Variants in TNS1 observed in about 807,000 individuals in gnomAD.
The protein encoded by TNS1 is tensin-1.
TNS1 carries 62 observed loss-of-function variants against 168.6 expected under a neutral mutation model. That is an observed-to-expected ratio of 0.37 (90% CI 0.30 to 0.45). The LOEUF (loss-of-function observed/expected upper bound fraction) is 0.45, where lower values mean the gene tolerates loss of function less well. Among genes scored for constraint, TNS1 ranks in the 20% least tolerant of loss-of-function variants. TNS1 has a pLI of 1.00. For missense variants in TNS1, 2,240 were observed against 2,339.4 expected (o/e 0.96, Z 0.88); for synonymous variants, 934 against 933.2 (o/e 1.00, Z -0.02).
rs767427826 is a variant in TNS1, at chr2:217,818,574, T to C, written c.3758A>G (p.Tyr1253Cys). Residue 1253 changes from tyrosine to cysteine, a missense_variant, in exon 24 of 33, where the codon TAC becomes TGC. Transcript: ENST00000682258. ...TVGSSYSSPD[Y>C]SLQHFSSSPE... ...AGAGGAGCTGAAATGCTGAAGTGAG[T>C]AGTCGGGGCTGCTGTAGCTACTGCC... 7 of 1,613,954 alleles carry C rather than the reference T, an allele frequency of 4.3e-6. No homozygotes were observed. Among genetic ancestry groups the C allele is most frequent in the Admixed American group, 1.7e-5 (1 of 59,994 alleles).
intron 4 of TNS1, among the ~76,000 whole-genome samples, chr2:217,910,117 C>T (rs1413162132): frequency 6.6e-6 from 1 of 152,130 alleles, no homozygotes; most frequent in East Asian, 1.9e-4. Flanking sequence ...GCATGGTGCA[C>T]ACAAGGGAGC....
Position 217,831,336 on chromosome 2 carries a change from C to A in TNS1, c.3373+119G>T, listed in dbSNP as rs1479960504. The A allele has an allele frequency of 5.9e-6, 5 of 850,320 alleles. No homozygotes were observed. In the African/African-American group the frequency reaches 7.2e-5, roughly 12 times the overall value. 52.7% of individuals were successfully genotyped at this position (850,320 alleles called of 1,614,324 possible). ...ACAGAGAGCCCCAACCCAGGCCTGA[C>A]CTCAGTGTGGGCACAAAGCTGGCTG... On this transcript the variant is annotated intron_variant, in intron 22 of 32. Coordinates refer to ENST00000682258, the MANE Select transcript of TNS1 (RefSeq NM_001387777.1).
At chr2:217,842,027 G>GC in intron 19 of TNS1, 1 of 701,460 alleles carries the variant, frequency 1.4e-6, no homozygotes. Context: ...CCCTGCCCTG[G>GC]CCCCCAGAGT....
At chr2:217,893,710 C>T (rs1226677852) in intron 9 of TNS1, 149 bp from the exon 10 acceptor site, 6 of 1,170,906 alleles carry the variant, frequency 5.1e-6, no homozygotes, top group South Asian at 1.6e-5. Context: ...TGCCCACTGG[C>T]CAGCGAGGAG....
intron 1 of TNS1, among the ~76,000 whole-genome samples, chr2:217,991,738 G>C (rs928500437): frequency 3.3e-5 from 5 of 151,932 alleles, no homozygotes; most frequent in African/African-American, 1.2e-4. Flanking sequence ...CTAACCCATG[G>C]CCCCACAGTG....
chr2:218,023,669 T>G (rs1478002519), intron 1 of TNS1, among the ~76,000 whole-genome samples: 1 of 152,170 alleles, frequency 6.6e-6, no homozygotes, highest in Non-Finnish European at 1.5e-5. Flanking sequence ...CCCTGTGAGG[T>G]AGGTGTTATC....
At chr2:217,899,674 G>A (rs749020880) in intron 7 of TNS1, among the ~76,000 whole-genome samples, 2 of 152,176 alleles carry the variant, frequency 1.3e-5, no homozygotes, top group Non-Finnish European at 2.9e-5. Flanking sequence ...GCACTGACCC[G>A]CCCCTGTCTA....
At position 217,848,888 on chromosome 2, in the gene TNS1, G is replaced by A. The variant is rs776041802; in HGVS notation, c.1629C>T (p.Thr543=). The change falls in exon 19 of 33, where the codon ACC becomes ACT. Residue 543 remains threonine, a synonymous_variant. Transcript: ENST00000682258. The part of the protein sequence containing the change: ...NSTASTKTDK[T]DEPVPGASSA... ...TGGAGGCCCCGGGGACAGGCTCGTC[G>A]GTCTTGTCGGTCTTGGTGGAGGCTG... is the stretch of plus-strand genomic sequence containing the variant. 5.3e-5 allele frequency: 86 copies of A among 1,613,992 alleles called. 1 individual carries two copies. Among genetic ancestry groups the A allele is most frequent in the Admixed American group, 4.2e-4 (25 of 59,988 alleles).
At chr2:217,960,174 C>A (rs1382385946) in intron 3 of TNS1, among the ~76,000 whole-genome samples, 1 of 152,164 alleles carries the variant, frequency 6.6e-6, no homozygotes, top group Non-Finnish European at 1.5e-5. Context: ...GACTCATTGA[C>A]CCATCCAGGA....
intron 1 of TNS1, among the ~76,000 whole-genome samples, chr2:217,991,775 C>T (rs1047516037): frequency 2.6e-5 from 4 of 152,178 alleles, no homozygotes; most frequent in Non-Finnish European, 5.9e-5. Context: ...TCTCCCCATT[C>T]CACCCTCTCC....
chr2:217,961,318 C>T (rs945517344), intron 3 of TNS1, among the ~76,000 whole-genome samples: 3 of 151,782 alleles, frequency 2.0e-5, no homozygotes, highest in Non-Finnish European at 4.4e-5. Flanking sequence ...CTATGGTTGA[C>T]CCACTTTGGT....
At chr2:217,966,457 G>A (rs558671435) in intron 3 of TNS1, among the ~76,000 whole-genome samples, 42 of 152,312 alleles carry the variant, frequency 2.8e-4, no homozygotes, top group African/African-American at 8.2e-4. Context: ...CATCCCCAGC[G>A]AAGCTGAAGC....
rs9579 is a variant in TNS1 at position 217,800,324 on chromosome 2, T to G, written c.*4135A>C. ...CATTTTGGACATTTGAGGACAGAGGTGCCAAGAGGGACAGATCTGCCCGAG... is the reference window on the plus strand; with the variant it reads ...CATTTTGGACATTTGAGGACAGAGGGGCCAAGAGGGACAGATCTGCCCGAG... On this transcript the variant is annotated 3_prime_UTR_variant, in exon 33 of 33. Transcript: ENST00000682258. The G allele has an allele frequency of 0.57, 86,816 of 152,008 alleles. 25,135 individuals are homozygous for G. The highest frequency in any genetic ancestry group is 0.73 in the East Asian group (3,758 of 5,152). The allele number at this position is 152,008 out of a possible 1,614,324, so 9.4% of individuals were successfully genotyped here. A position where few individuals can be genotyped will look rare whatever the true frequency, so the allele number is the denominator to read the frequency against.
At position 217,857,081 on chromosome 2, in the gene TNS1, G is replaced by A. The variant is rs184667224; in HGVS notation, c.1430-7994C>T. Among the ~76,000 whole-genome samples, 777 of 152,292 alleles carry A rather than the reference G, an allele frequency of 5.1e-3. 6 individuals carry two copies. Among genetic ancestry groups the A allele is most frequent in the African/African-American group, 0.017 (688 of 41,568 alleles). On this transcript the variant is annotated intron_variant, in intron 18 of 32. Coordinates refer to ENST00000682258, the MANE Select transcript of TNS1 (RefSeq NM_001387777.1). ...GCCCAAATCTCAATGTCAGCCTGTG[G>A]CCTTGAAGATGGAGAAAGTCAGCTT...
intron 21 of TNS1, among the ~76,000 whole-genome samples, chr2:217,834,771 C>T (rs895203816): frequency 6.6e-6 from 1 of 152,182 alleles, no homozygotes; most frequent in South Asian, 2.1e-4. Context: ...ATGGTAGGGT[C>T]TTTTGAGTGT....
upstream of TNS1, among the ~76,000 whole-genome samples, chr2:218,010,701 G>C (rs1958698709): frequency 6.6e-6 from 1 of 151,988 alleles, no homozygotes; most frequent in South Asian, 2.1e-4. Flanking sequence ...GGCGGCGGCG[G>C]CGGCAGCATT....
intron 11 of TNS1, among the ~76,000 whole-genome samples, chr2:217,891,827 A>T (rs6436018): frequency 1.1e-3 from 160 of 152,240 alleles, no homozygotes; most frequent in African/African-American, 3.7e-3. Context: ...TGTGCAGGGC[A>T]CATCCCACAG....
intron 12 of TNS1, among the ~76,000 whole-genome samples, chr2:217,886,848 A>T (rs1478477269): frequency 2.0e-5 from 3 of 152,120 alleles, no homozygotes; most frequent in Non-Finnish European, 4.4e-5. Context: ...AAGAGTGAGC[A>T]GGTATACCAG....
intron 3 of TNS1, among the ~76,000 whole-genome samples, chr2:217,951,213 T>C (rs544077157): frequency 6.6e-6 from 1 of 152,298 alleles, no homozygotes; most frequent in African/African-American, 2.4e-5. Flanking sequence ...GTTATTTCAC[T>C]GCTCTGAGTA....
Sources: gnomAD v4.1 joint callset for allele counts (sites outside exome capture counted in the v4.1 genomes callset) on GRCh38, gnomAD v4.1.1 for gene constraint, MANE v1.5 for transcripts, NCBI Gene and HGNC (gene_info 2026-07-23, HGNC 2026-07-21) for gene names.